The following GRIN2A variants were observed in gnomAD, a reference collection of about 807,000 sequenced individuals.
The protein encoded by GRIN2A is glutamate receptor ionotropic, NMDA 2A.
A neutral mutation model predicts 113.4 loss-of-function variants in GRIN2A; 22 were observed. The observed-to-expected ratio is 0.19, with a 90% CI of 0.14 to 0.28. The LOEUF is 0.28. GRIN2A is among the 10% of genes least tolerant of loss of function. The pLI, the probability that GRIN2A is intolerant of heterozygous loss-of-function variation, is 1.00. For missense variants in GRIN2A, 1,502 were observed against 1,887.0 expected (o/e 0.80, Z 3.78); for synonymous variants, 827 against 738.4 (o/e 1.12, Z -1.94).
intron 2 of GRIN2A, among the ~76,000 whole-genome samples, chr16:10,148,645 C>T (rs1450448693): frequency 1.3e-5 from 2 of 152,176 alleles, no homozygotes; most frequent in African/African-American, 4.8e-5. Context: ...CAACTCCATC[C>T]AGCACGTTAA....
At chr16:10,047,358 G>A (rs1596460016) in intron 2 of GRIN2A, among the ~76,000 whole-genome samples, 1 of 152,144 alleles carries the variant, frequency 6.6e-6, no homozygotes. Flanking sequence ...TACCTCTCTA[G>A]ATCATTTTCA....
chr16:9,820,683 A>G (rs1270552591), intron 10 of GRIN2A, among the ~76,000 whole-genome samples: 1 of 152,184 alleles, frequency 6.6e-6, no homozygotes, highest in Non-Finnish European at 1.5e-5. Context: ...TTAAAACAGC[A>G]GGCACCAAGA....
intron 2 of GRIN2A, among the ~76,000 whole-genome samples, chr16:10,138,675 G>T (rs975660642): frequency 1.3e-5 from 2 of 152,106 alleles, no homozygotes; most frequent in South Asian, 4.1e-4. Flanking sequence ...TTCCTTCTAT[G>T]AGCCTCAGTT....
At chr16:10,137,210 A>G (rs973181609) in intron 2 of GRIN2A, among the ~76,000 whole-genome samples, 2 of 152,256 alleles carry the variant, frequency 1.3e-5, no homozygotes, top group Non-Finnish European at 2.9e-5. Context: ...GACTGGGGGC[A>G]TATGGGAAAG....
At chr16:10,091,143 T>A (rs1019686877) in intron 2 of GRIN2A, among the ~76,000 whole-genome samples, 4 of 152,190 alleles carry the variant, frequency 2.6e-5, no homozygotes, top group Non-Finnish European at 4.4e-5. Flanking sequence ...GGCAATTTTT[T>A]AAAAACTTAA....
chr16:10,029,741 T>A (rs2141920737), intron 2 of GRIN2A, among the ~76,000 whole-genome samples: 1 of 151,336 alleles, frequency 6.6e-6, no homozygotes. Flanking sequence ...ACGCCTGTAA[T>A]CCCAGCACTT....
At chr16:9,990,266 T>C (rs1297373960) in intron 2 of GRIN2A, among the ~76,000 whole-genome samples, 1 of 152,030 alleles carries the variant, frequency 6.6e-6, no homozygotes, top group Non-Finnish European at 1.5e-5. Flanking sequence ...TTATCCTAAG[T>C]GGGTTAACAA....
intron 11 of GRIN2A, among the ~76,000 whole-genome samples, chr16:9,777,026 T>C (rs1901645912): frequency 6.6e-6 from 1 of 152,136 alleles, no homozygotes; most frequent in Admixed American, 6.5e-5. Flanking sequence ...GGGGATGTGG[T>C]CTGTGGCCTT....
chr16:10,060,564 A>C (rs578140288), intron 2 of GRIN2A, among the ~76,000 whole-genome samples: 40 of 152,312 alleles, frequency 2.6e-4, no homozygotes, highest in African/African-American at 9.6e-4. Context: ...TTAAATGCTA[A>C]CTGCATGCTA....
chr16:10,022,130 T>C (rs9933893), intron 2 of GRIN2A, among the ~76,000 whole-genome samples: 4,820 of 149,358 alleles, frequency 0.032, 263 homozygotes, highest in African/African-American at 0.11. Context: ...ACTGTGATTA[T>C]GAGGCACACA....
intron 3 of GRIN2A, among the ~76,000 whole-genome samples, chr16:9,898,050 T>C (rs2043841212): frequency 1.5e-5 from 2 of 129,144 alleles, no homozygotes; most frequent in African/African-American, 5.5e-5. Flanking sequence ...TGAGCCTCCA[T>C]TTCCTTTTTT....
chr16:9,953,790 A>G (rs2045238316), intron 2 of GRIN2A, among the ~76,000 whole-genome samples: 1 of 152,122 alleles, frequency 6.6e-6, no homozygotes, highest in Non-Finnish European at 1.5e-5. Flanking sequence ...ACAAAGGCTG[A>G]AAGGTACTGC....
chr16:10,000,185 A>T (rs2046295874), intron 2 of GRIN2A, among the ~76,000 whole-genome samples: 1 of 152,172 alleles, frequency 6.6e-6, no homozygotes, highest in Non-Finnish European at 1.5e-5. Context: ...AAGAGCCTTA[A>T]CTTAATCACA....
chr16:9,975,703 T>C (rs915222517), intron 2 of GRIN2A, among the ~76,000 whole-genome samples: 2 of 152,162 alleles, frequency 1.3e-5, no homozygotes, highest in East Asian at 3.8e-4. Context: ...TAAATGACTG[T>C]GGACTAAAAG....
chr16:9,961,557 T>C (rs141307221), intron 2 of GRIN2A, among the ~76,000 whole-genome samples: 65 of 152,140 alleles, frequency 4.3e-4, no homozygotes, highest in African/African-American at 1.5e-3. Flanking sequence ...TATCTTGGGG[T>C]TGGTGAGAAG....
intron 2 of GRIN2A, among the ~76,000 whole-genome samples, chr16:10,076,215 G>A (rs957344496): frequency 6.6e-6 from 1 of 152,148 alleles, no homozygotes; most frequent in Admixed American, 6.5e-5. Context: ...TGCAAAGTCT[G>A]TCCTGCTGCT....
intron 2 of GRIN2A, among the ~76,000 whole-genome samples, chr16:10,012,307 T>C (rs1174578901): frequency 6.6e-6 from 1 of 152,202 alleles, no homozygotes; most frequent in African/African-American, 2.4e-5. Flanking sequence ...GAACTTAAAG[T>C]TCCTTCTCAC....
chr16:9,938,593 G>T, intron 2 of GRIN2A, 42 bp from the exon 3 acceptor site: 1 of 1,463,484 alleles, frequency 6.8e-7, no homozygotes, highest in Non-Finnish European at 9.5e-7. Context: ...GAGGCAGGAG[G>T]TGGTTTATAT....
At position 10,182,426 on chromosome 16, in the gene GRIN2A, G is replaced by C. The variant is rs1239295197; in HGVS notation, c.-568C>G. ...TGAGCGAGGGAGGTAGGGAGAGAAA[G>C]AGGAGGTAACGAGGGTGGGGGGGCG... On this transcript the variant is annotated 5_prime_UTR_variant, in exon 1 of 13. Transcript: ENST00000330684. The C allele has an allele frequency of 2.6e-5, 4 of 152,236 alleles. No homozygotes were observed. The highest frequency in any genetic ancestry group is 1.5e-5 in the Non-Finnish European group (1 of 68,084). 9.4% of individuals were successfully genotyped at this position (152,236 alleles called of 1,614,324 possible).
Sources: allele counts gnomAD v4.1 joint callset (sites outside exome capture counted in the v4.1 genomes callset), GRCh38; gene constraint gnomAD v4.1.1; transcripts MANE v1.5; gene names NCBI Gene and HGNC (gene_info 2026-07-23, HGNC 2026-07-21).